WDFY4: variants seen among roughly 807,000 people sequenced by gnomAD.
The protein encoded by WDFY4 is WDFY family member 4.
In WDFY4, 169 loss-of-function variants were observed where a neutral mutation model predicts 351.9. That is an observed-to-expected ratio of 0.48 (90% CI 0.42 to 0.55). The LOEUF is 0.55. WDFY4 is among the 20% of genes least tolerant of loss of function. The pLI is 0.00. For missense variants in WDFY4, 3,803 were observed against 3,935.6 expected (o/e 0.97, Z 0.90); for synonymous variants, 1,622 against 1,574.6 (o/e 1.03, Z -0.71).
At chr10:48,866,370 A>G (rs755452349) in intron 39 of WDFY4, among the ~76,000 whole-genome samples, 10 of 152,110 alleles carry the variant, frequency 6.6e-5, no homozygotes, top group Non-Finnish European at 1.5e-5. Flanking sequence ...TTAAATCTAC[A>G]CTTATTTTTG....
At chr10:48,839,947 C>G (rs899942651) in intron 39 of WDFY4, among the ~76,000 whole-genome samples, 4 of 152,160 alleles carry the variant, frequency 2.6e-5, no homozygotes, top group Non-Finnish European at 5.9e-5. Context: ...CCTCTTGGCT[C>G]TTGGTGCTTT....
At position 48,805,987 on chromosome 10, in the gene WDFY4, T is replaced by C. The variant is rs750013791; in HGVS notation, c.4647-17T>C. 6.4e-7 allele frequency: 1 copy of C among 1,551,404 alleles called. No homozygotes were observed. The highest frequency in any genetic ancestry group is 1.2e-5 in the South Asian group (1 of 84,058). On this transcript the variant is annotated splice_polypyrimidine_tract_variant and intron_variant, in intron 26 of 61. Coordinates refer to ENST00000325239, the MANE Select transcript of WDFY4 (RefSeq NM_001394531.1). ...GAGCCCGCCTGCGAGCCTGTCCTTCTCTCCCTGTGTATAAAGGATTGGGCT... is the reference window on the plus strand; with the variant it reads ...GAGCCCGCCTGCGAGCCTGTCCTTCCCTCCCTGTGTATAAAGGATTGGGCT...
chr10:48,834,955 T>G (rs1436029108), intron 39 of WDFY4, among the ~76,000 whole-genome samples: 1 of 152,226 alleles, frequency 6.6e-6, no homozygotes, highest in Non-Finnish European at 1.5e-5. Flanking sequence ...AACAGTTTGC[T>G]CTTGGCTCAC....
At position 48,743,087 on chromosome 10, in the gene WDFY4, G is replaced by A. The variant is rs2064903541; in HGVS notation, c.1998G>A (p.Leu666=). 7.1e-6 allele frequency: 11 copies of A among 1,551,694 alleles called. No homozygotes were observed. Among genetic ancestry groups the A allele is most frequent in the Non-Finnish European group, 9.6e-6 (11 of 1,146,996 alleles). ...AAGGCTCCCTCCAGGAGCCCCCGCT[G>A]CAGGCATGGGGAGCAGTATCCCCCA... ...DLEGSLQEPP[L]QAWGAVSPRQ... Residue 666 remains leucine, a synonymous_variant, in exon 12 of 62, where the codon CTG becomes CTA. Transcript: ENST00000325239.
At position 48,817,478 on chromosome 10, in the gene WDFY4, C is replaced by A. The variant is rs1262873981; in HGVS notation, c.5505+69C>A. 8.3e-6 allele frequency: 12 copies of A among 1,447,790 alleles called. No homozygotes were observed. The East Asian group carries it at 2.3e-4, about 27-fold the overall frequency. The allele number at this position is 1,447,790 out of a possible 1,614,324, so 89.7% of individuals were successfully genotyped here. On this transcript the variant is annotated intron_variant, in intron 32 of 61. Coordinates refer to ENST00000325239, the MANE Select transcript of WDFY4 (RefSeq NM_001394531.1). The stretch of plus-strand genomic sequence containing the variant: ...ATCATCATCCTTCAAGGGCAAAGGG[C>A]AAAATCCCTCCCCTCCCCCCTAAAA...
At chr10:48,891,596 C>T (rs1208080581) in intron 44 of WDFY4, among the ~76,000 whole-genome samples, 1 of 152,212 alleles carries the variant, frequency 6.6e-6, no homozygotes, top group African/African-American at 2.4e-5. Flanking sequence ...CTTCTTAGCC[C>T]AGTCGCTCTC....
intron 39 of WDFY4, among the ~76,000 whole-genome samples, chr10:48,834,828 T>C (rs541922279): frequency 1.8e-4 from 27 of 152,346 alleles, no homozygotes; most frequent in Middle Eastern, 6.8e-3. Context: ...GTCACTCTCA[T>C]TGATACAGCT....
chr10:48,914,711 C>T (rs185432125), intron 47 of WDFY4, among the ~76,000 whole-genome samples: 1 of 152,328 alleles, frequency 6.6e-6, no homozygotes, highest in East Asian at 1.9e-4. Context: ...ACCAACTTCT[C>T]ACATCCCTCT....
At chr10:48,875,920 A>G (rs959495484) in intron 42 of WDFY4, among the ~76,000 whole-genome samples, 1 of 152,164 alleles carries the variant, frequency 6.6e-6, no homozygotes, top group African/African-American at 2.4e-5. Context: ...TCTCCACCCC[A>G]AGCCCTACAA....
chr10:48,787,486 C>T lies in WDFY4; in HGVS notation c.3808+616C>T, dbSNP rs564805307. On this transcript the variant is annotated intron_variant, in intron 20 of 61. Coordinates refer to ENST00000325239, the MANE Select transcript of WDFY4 (RefSeq NM_001394531.1). ...GGTCAGGTCTAGAGCCAAAGTCTTA[C>T]CAATTCTATATTCATGGCACCTTTC... Among the ~76,000 whole-genome samples the T allele has an allele frequency of 6.6e-5, 10 of 152,328 alleles. No individual in the cohort carries two copies. In the South Asian group the frequency reaches 2.1e-3, roughly 32 times the overall value.
chr10:48,888,263 C>T (rs760351111), intron 43 of WDFY4, among the ~76,000 whole-genome samples: 1 of 143,810 alleles, frequency 7.0e-6, no homozygotes, highest in Non-Finnish European at 1.5e-5. Context: ...CCCTCCCCTC[C>T]CCTCCTTTCC....
intron 47 of WDFY4, among the ~76,000 whole-genome samples, chr10:48,935,471 G>A (rs1840298845): frequency 6.6e-6 from 1 of 152,232 alleles, no homozygotes; most frequent in African/African-American, 2.4e-5. Flanking sequence ...CAACGGCCAA[G>A]CGGATGTGGC....
chr10:48,723,382 C>G, intron 4 of WDFY4, 51 bp from the exon 5 acceptor site: 1 of 1,539,792 alleles, frequency 6.5e-7, no homozygotes, highest in Non-Finnish European at 8.7e-7. Flanking sequence ...TCTGGGCTGA[C>G]CTGCTTCTGC....
intron 47 of WDFY4, among the ~76,000 whole-genome samples, chr10:48,921,796 A>G (rs1839106408): frequency 6.6e-6 from 1 of 152,220 alleles, no homozygotes. Context: ...AGAAATGTAC[A>G]GACACAAAAA....
chr10:48,690,031 G>A (rs1013263653), intron 1 of WDFY4, among the ~76,000 whole-genome samples: 2 of 152,246 alleles, frequency 1.3e-5, no homozygotes, highest in African/African-American at 4.8e-5. Context: ...GGCTGAAGAA[G>A]CTACACTTCT....
chr10:48,904,060 G>A (rs1409673987), intron 47 of WDFY4, among the ~76,000 whole-genome samples: 1 of 152,186 alleles, frequency 6.6e-6, no homozygotes, highest in African/African-American at 2.4e-5. Flanking sequence ...GGCCAAGTGG[G>A]ATAAGAACTG....
At chr10:48,796,516 CT>C in intron 24 of WDFY4, 66 bp downstream of exon 24, 1 of 1,505,968 alleles carries the variant, frequency 6.6e-7, no homozygotes, top group Non-Finnish European at 8.9e-7. Context: ...TAAGTCTGGG[CT>C]TTCCCCTAAA....
rs1319001246 is a variant in WDFY4 at position 48,803,279 on chromosome 10, C to T, written c.4411-7C>T. The T allele has an allele frequency of 6.4e-7, 1 of 1,551,694 alleles. No individual in the cohort carries two copies. The highest frequency in any genetic ancestry group is 1.4e-5 in the African/African-American group (1 of 73,058). ...CATTTTAGCATGTGTTTTGTTTTGT[C>T]TTCCAGCTCTGGATGAATACTGCAG... On this transcript the variant is annotated splice_polypyrimidine_tract_variant and splice_region_variant and intron_variant, in intron 24 of 61. Transcript: ENST00000325239.
intron 13 of WDFY4, among the ~76,000 whole-genome samples, chr10:48,772,579 G>A (rs921955526): frequency 8.1e-6 from 1 of 123,182 alleles, no homozygotes; most frequent in African/African-American, 3.3e-5. Flanking sequence ...AAGTTTTAGG[G>A]TACATGTGCA....
Sources: gnomAD v4.1 joint callset for allele counts (sites outside exome capture counted in the v4.1 genomes callset) on GRCh38, gnomAD v4.1.1 for gene constraint, MANE v1.5 for transcripts, NCBI Gene and HGNC (gene_info 2026-07-23, HGNC 2026-07-21) for gene names.